The following GBP7 variants were observed in gnomAD, a reference collection of about 807,000 sequenced individuals.
The protein encoded by GBP7 is guanylate-binding protein 7.
Under a neutral mutation model 61.3 loss-of-function variants are expected in GBP7, and 43 were observed. The observed-to-expected ratio is 0.70, with a 90% CI of 0.55 to 0.91. GBP7 has a LOEUF of 0.91. Among genes scored for constraint, GBP7 ranks in the 40% least tolerant of loss-of-function variants. The probability of loss-of-function intolerance (pLI) is 0.00; values close to 1 mark genes in which losing one functional copy is unlikely to be tolerated. For missense variants in GBP7, 717 were observed against 740.5 expected, an observed-to-expected ratio of 0.97 and a Z score of 0.37; for synonymous variants, 267 against 271.0, an observed-to-expected ratio of 0.99 and a Z score of 0.14.
intron 9 of GBP7, among the ~76,000 whole-genome samples, chr1:89,137,415 T>C (rs1279712989): frequency 6.6e-6 from 1 of 152,102 alleles, no homozygotes; most frequent in Non-Finnish European, 1.5e-5. Flanking sequence ...AACAAAATAC[T>C]AGCAAACCAA....
intron 3 of GBP7, among the ~76,000 whole-genome samples, chr1:89,163,199 C>A (rs901518004): frequency 6.6e-6 from 1 of 152,010 alleles, no homozygotes; most frequent in African/African-American, 2.4e-5. Flanking sequence ...TTGATGTTAT[C>A]AAGGATATTG....
chr1:89,175,429 C>T lies in GBP7; in HGVS notation c.-20+492G>A, dbSNP rs77953747. 5.0e-3 allele frequency among the ~76,000 whole-genome samples: 760 copies of T among 152,262 alleles called. 1 individual carries two copies. The highest frequency in any genetic ancestry group is 7.1e-3 in the Non-Finnish European group (486 of 68,014). ...GGAAGATGAGTGAAAACAGAGTATG[C>T]GTCTGTCCAATTCTGTAGCATATAC... On this transcript the variant is annotated intron_variant, in intron 1 of 10. Coordinates refer to ENST00000294671, the MANE Select transcript of GBP7 (RefSeq NM_207398.3).
rs77749204 is a variant in GBP7 at position 89,164,792 on chromosome 1, G to T, written c.257C>A (p.Pro86His). The T allele has an allele frequency of 2.1e-3, 3,447 of 1,613,786 alleles. 57 individuals are homozygous for T. The African/African-American group carries it at 0.04, about 19-fold the overall frequency. Residue 86 changes from proline (P) to histidine (H), a missense_variant, in exon 3 of 11, where the codon CCC becomes CAC. Around this residue, in one of 3 missense-constraint regions of GBP7, gnomAD observed 387 missense variants for 385.2 expected, o/e 1.00. Transcript: ENST00000294671. The stretch of plus-strand genomic sequence containing the variant: ...GATCAGGGTGTGGTTTGGCTTGGAG[G>T]GGTGGGGCACACACCACATCCAGAT... ...KGIWMWCVPH[P>H]SKPNHTLILL...
At chr1:89,152,994 T>C (rs1203877974) in intron 3 of GBP7, among the ~76,000 whole-genome samples, 1 of 152,204 alleles carries the variant, frequency 6.6e-6, no homozygotes. Context: ...ACATCTCTAT[T>C]TGCCCTAAAA....
At chr1:89,164,629 T>C (rs1359178874) in intron 3 of GBP7, 102 bp downstream of exon 3, 1 of 1,144,566 alleles carries the variant, frequency 8.7e-7, no homozygotes, top group Admixed American at 2.4e-5. Context: ...ATAATCAGAT[T>C]TGTGATTCAG....
At chr1:89,167,886 A>C (rs111998707) in intron 2 of GBP7, among the ~76,000 whole-genome samples, 1 of 152,234 alleles carries the variant, frequency 6.6e-6, no homozygotes, top group African/African-American at 2.4e-5. Context: ...TTCTCTTCAG[A>C]GATTAATGAG....
At chr1:89,157,976 A>T (rs944074050) in intron 3 of GBP7, among the ~76,000 whole-genome samples, 1 of 152,222 alleles carries the variant, frequency 6.6e-6, no homozygotes, top group African/African-American at 2.4e-5. Flanking sequence ...GATACTGGCA[A>T]ACCAAATCCA....
chr1:89,143,938 G>A (rs1027531014), intron 8 of GBP7, among the ~76,000 whole-genome samples: 2 of 152,122 alleles, frequency 1.3e-5, no homozygotes, highest in African/African-American at 4.8e-5. Flanking sequence ...ACTATATTGC[G>A]TGATACTGAG....
chr1:89,139,649 C>T (rs540178931), intron 9 of GBP7, among the ~76,000 whole-genome samples: 1 of 152,226 alleles, frequency 6.6e-6, no homozygotes. Flanking sequence ...ACAGACACTT[C>T]TCAAAAGAAG....
chr1:89,172,564 A>T (rs1557467608), intron 1 of GBP7, among the ~76,000 whole-genome samples: 1 of 151,978 alleles, frequency 6.6e-6, no homozygotes, highest in Non-Finnish European at 1.5e-5. Context: ...ATGTTCTGCC[A>T]TTTTCAGTGT....
chr1:89,151,867 C>T (rs992492542), intron 5 of GBP7, among the ~76,000 whole-genome samples: 3 of 151,996 alleles, frequency 2.0e-5, no homozygotes, highest in Admixed American at 6.6e-5. Context: ...CATTTGACTT[C>T]TTGCGATTCT....
intron 3 of GBP7, 62 bp from the exon 4 acceptor site, chr1:89,152,839 A>G (rs1682237454): frequency 7.4e-7 from 1 of 1,354,528 alleles, no homozygotes; most frequent in Middle Eastern, 1.9e-4. Context: ...CTCAAGGTCA[A>G]CTACTTGTAT....
intron 9 of GBP7, among the ~76,000 whole-genome samples, chr1:89,136,821 T>C (rs1295203616): frequency 6.6e-6 from 1 of 151,648 alleles, no homozygotes; most frequent in African/African-American, 2.4e-5. Context: ...TTGAAGTGAA[T>C]AAAGTGGAGA....
At position 89,132,377 on chromosome 1, in the gene GBP7, T is replaced by A. The variant is rs148490720; in HGVS notation, c.1689A>T (p.Gly563=). Residue 563 remains glycine, a synonymous_variant, in exon 11 of 11, where the codon GGA becomes GGT. Transcript: ENST00000294671. ...MKVLEELLTE[G]FKEIFESLNE... The stretch of plus-strand genomic sequence containing the variant: ...TTAACGACTCAAATATCTCTTTAAA[T>A]CCTTCAGTAAGCAGTTCTTCTAGGA... 2.2e-5 allele frequency: 35 copies of A among 1,611,748 alleles called. No individual in the cohort carries two copies. Among genetic ancestry groups the A allele is most frequent in the Non-Finnish European group, 2.9e-5 (34 of 1,179,148 alleles).
Position 89,147,894 on chromosome 1 carries a change from G to A in GBP7, c.1153-115C>T. 2.9e-6 allele frequency: 3 copies of A among 1,027,832 alleles called. No homozygotes were observed. The East Asian group carries it at 7.2e-5, about 25-fold the overall frequency. 63.7% of individuals were successfully genotyped at this position (1,027,832 alleles called of 1,614,324 possible). On this transcript the variant is annotated intron_variant, in intron 7 of 10. Transcript: ENST00000294671. ...GCCTCAGAGCAGGCTGAGTTACGGT[G>A]TAGACTAAGAGTCAGAAGACTTGTT...
At chr1:89,166,225 G>A (rs1647433559) in intron 2 of GBP7, among the ~76,000 whole-genome samples, 2 of 152,182 alleles carry the variant, frequency 1.3e-5, no homozygotes, top group Admixed American at 6.5e-5. Context: ...AGAGGTCCGG[G>A]TACTGGGTTC....
intron 8 of GBP7, among the ~76,000 whole-genome samples, chr1:89,144,984 C>T (rs1322468978): frequency 1.4e-5 from 2 of 143,788 alleles, no homozygotes; most frequent in African/African-American, 2.6e-5. Flanking sequence ...GACGGAGTCT[C>T]GCTCTGTCAC....
intron 9 of GBP7, among the ~76,000 whole-genome samples, chr1:89,135,646 G>A (rs61119282): frequency 0.066 from 10,100 of 152,126 alleles, 607 homozygotes; most frequent in African/African-American, 0.17. Flanking sequence ...CAAATGCTAA[G>A]GGAATTTGTT....
At position 89,132,179 on chromosome 1, in the gene GBP7, C is replaced by T. The variant is rs758248620; in HGVS notation, c.1887G>A (p.Leu629=). 1 of 1,607,836 alleles carries T rather than the reference C, an allele frequency of 6.2e-7. No individual in the cohort carries two copies. Among genetic ancestry groups the T allele is most frequent in the Admixed American group, 1.7e-5 (1 of 58,844 alleles). The change falls in exon 11 of 11, where the codon CTG becomes CTA. Residue 629 remains leucine, a synonymous_variant. Coordinates refer to ENST00000294671, the MANE Select transcript of GBP7 (RefSeq NM_207398.3). ...MKILSSLCNR[L]RNPGKKIIS ...TTATAATTTTCTTACCAGGATTTCTCAGCCTATTACATAATGAGCTAAGAA... is the reference window on the plus strand; with the variant it reads ...TTATAATTTTCTTACCAGGATTTCTTAGCCTATTACATAATGAGCTAAGAA...
Sources: gnomAD v4.1 joint callset for allele counts (sites outside exome capture counted in the v4.1 genomes callset) on GRCh38, gnomAD v4.1.1 for gene constraint, gnomAD v4.1.1 regional missense constraint, MANE v1.5 for transcripts, NCBI Gene and HGNC (gene_info 2026-07-23, HGNC 2026-07-21) for gene names.